SLC66A2: variants seen among roughly 807,000 people sequenced by gnomAD.
SLC66A2 encodes the protein solute carrier family 66 member 2.
A neutral mutation model predicts 25.5 loss-of-function variants in SLC66A2; 23 were observed. The observed-to-expected ratio is 0.90, with a 90% confidence interval of 0.65 to 1.28. The LOEUF is 1.28. SLC66A2 is among the 50% of genes most tolerant of loss of function. SLC66A2 has a pLI of 0.00. For synonymous variants in SLC66A2, 193 were observed against 166.5 expected, an observed-to-expected ratio of 1.16 and a Z score of -1.23; for missense variants, 396 against 373.1, an observed-to-expected ratio of 1.06 and a Z score of -0.51.
At chr18:79,948,625 GCCACCGTGC>G (rs150790477) in intron 2 of SLC66A2, among the ~76,000 whole-genome samples, 340 of 152,284 alleles carry the variant, frequency 2.2e-3, no homozygotes, top group African/African-American at 8.0e-3. Context: ...ACAGGAGCGG[GCCACCGTGC>G]CCAACCTAAT....
intron 4 of SLC66A2, 104 bp from the exon 5 acceptor site, chr18:79,919,504 GGA>G (rs1984740161): frequency 1.4e-6 from 1 of 731,582 alleles, no homozygotes; most frequent in Admixed American, 2.2e-5. Context: ...AGGTCAGTGG[GGA>G]GAGACAGGAA....
Position 79,919,361 on chromosome 18 carries a change from G to C in SLC66A2, c.431C>G (p.Ser144Trp). Reference protein sequence around the residue: ...PHHFWQWSSFSDYVQCVLAFT... With the variant: ...PHHFWQWSSFWDYVQCVLAFT... ...GGCCAGGACGCACTGCACGTAGTCCGAGAAGCTGCTCCACTGCCAGAAGTG... is the reference window on the plus strand; with the variant it reads ...GGCCAGGACGCACTGCACGTAGTCCCAGAAGCTGCTCCACTGCCAGAAGTG... Residue 144 changes from serine (S) to tryptophan (W), a missense_variant, in exon 5 of 6, where the codon TCG becomes TGG. Ser to Trp is a radical substitution (Grantham distance 177). Coordinates refer to ENST00000397778, the MANE Select transcript of SLC66A2 (RefSeq NM_025078.5). The C allele has an allele frequency of 3.1e-6, 5 of 1,613,238 alleles. No homozygotes were observed. The highest frequency in any genetic ancestry group is 4.2e-6 in the Non-Finnish European group (5 of 1,180,026).
intron 4 of SLC66A2, among the ~76,000 whole-genome samples, chr18:79,926,516 G>A (rs1405923451): frequency 6.6e-6 from 1 of 152,038 alleles, no homozygotes; most frequent in Non-Finnish European, 1.5e-5. Flanking sequence ...CCCACAGATC[G>A]CACACTCGAT....
At chr18:79,933,744 GCC>G (rs764701329) in intron 4 of SLC66A2, among the ~76,000 whole-genome samples, 2 of 150,060 alleles carry the variant, frequency 1.3e-5, no homozygotes, top group Non-Finnish European at 3.0e-5. Context: ...TCCCCTTCCC[GCC>G]CCCATCTCCC....
chr18:79,907,437 C>T (rs1246687448), intron 5 of SLC66A2, among the ~76,000 whole-genome samples: 1 of 149,570 alleles, frequency 6.7e-6, no homozygotes, highest in South Asian at 2.1e-4. Flanking sequence ...CTGCAAGCTC[C>T]GCCTCCCCAG....
intron 2 of SLC66A2, among the ~76,000 whole-genome samples, chr18:79,948,760 G>A (rs1026510649): frequency 6.6e-6 from 1 of 152,198 alleles, no homozygotes; most frequent in African/African-American, 2.4e-5. Flanking sequence ...TTATTTTGGA[G>A]AGAATTTATT....
At chr18:79,912,333 A>G (rs1391412878) in intron 5 of SLC66A2, among the ~76,000 whole-genome samples, 1 of 152,150 alleles carries the variant, frequency 6.6e-6, no homozygotes, top group African/African-American at 2.4e-5. Flanking sequence ...TAAACAACCA[A>G]ATGTCCCTCA....
In SLC66A2 at chr18:79,903,654, G is replaced by C. The variant is rs532524365; in HGVS notation, c.*322C>G. ...TGTCCACCTGGAGCAGGTTCCTGCAGGCCGCCCAATGTGTACCTTGGGCTC... is the reference window on the plus strand; with the variant it reads ...TGTCCACCTGGAGCAGGTTCCTGCACGCCGCCCAATGTGTACCTTGGGCTC... On this transcript the variant is annotated 3_prime_UTR_variant, in exon 6 of 6. Transcript: ENST00000397778. 85 of 366,048 alleles carry C rather than the reference G, an allele frequency of 2.3e-4. No homozygotes were observed. Among genetic ancestry groups the C allele is most frequent in the African/African-American group, 1.6e-3 (75 of 46,226 alleles). 22.7% of individuals were successfully genotyped at this position (366,048 alleles called of 1,614,324 possible).
At chr18:79,939,769 T>C (rs2144923481) in intron 3 of SLC66A2, among the ~76,000 whole-genome samples, 1 of 152,220 alleles carries the variant, frequency 6.6e-6, no homozygotes, top group East Asian at 1.9e-4. Context: ...ACTTACATAC[T>C]GTTGGTGGGA....
At chr18:79,919,111 G>A in intron 5 of SLC66A2, 73 bp downstream of exon 5, 2 of 1,350,922 alleles carry the variant, frequency 1.5e-6, no homozygotes, top group Non-Finnish European at 2.1e-6. Flanking sequence ...ACAGGCGTTT[G>A]ATTTTTACCA....
At chr18:79,945,269 G>C (rs1288560020) in intron 2 of SLC66A2, 1 of 152,288 alleles carries the variant, frequency 6.6e-6, no homozygotes, top group African/African-American at 2.4e-5. Context: ...CTGTCTCCTG[G>C]GAGCTTTTCA....
rs761901309 is a variant in SLC66A2 at position 79,917,689 on chromosome 18, C to T, written c.608+1495G>A. ...CGAAGCCCTCAGGGCTGCCACTGCC[C>T]AACCCAACAGTGAGGGAGCCTGTTC... On this transcript the variant is annotated intron_variant, in intron 5 of 5. Coordinates refer to ENST00000397778, the MANE Select transcript of SLC66A2 (RefSeq NM_025078.5). The surrounding 1 kb of genome is among the most constrained non-coding windows in gnomAD (Gnocchi z 6.0). 2.0e-5 allele frequency among the ~76,000 whole-genome samples: 3 copies of T among 152,034 alleles called. No individual in the cohort carries two copies. The highest frequency in any genetic ancestry group is 4.4e-5 in the Non-Finnish European group (3 of 67,980).
intron 5 of SLC66A2, among the ~76,000 whole-genome samples, chr18:79,912,877 TC>T (rs367869940): frequency 6.6e-6 from 1 of 152,118 alleles, no homozygotes; most frequent in Non-Finnish European, 1.5e-5. Flanking sequence ...CTCACTCCAC[TC>T]AGAACCACAG....
chr18:79,928,698 C>T (rs936781419), intron 4 of SLC66A2, among the ~76,000 whole-genome samples: 14 of 152,168 alleles, frequency 9.2e-5, no homozygotes, highest in Admixed American at 3.9e-4. Context: ...AGCAGGCAAC[C>T]GAGAAGACAG....
In SLC66A2 at chr18:79,950,802, C is replaced by T; in HGVS notation, c.125G>A (p.Arg42Lys). 6.2e-7 allele frequency: 1 copy of T among 1,613,170 alleles called. No individual in the cohort carries two copies. Among genetic ancestry groups the T allele is most frequent in the Non-Finnish European group, 8.5e-7 (1 of 1,179,988 alleles). ...GGAGAAGCCGTCGGCGTTCTGCGTC[C>T]TGCGAATGTCCCGATACTGCGGGAC... The part of the protein sequence containing the change: ...PYVPQYRDIR[R>K]TQNADGFSTY... Residue 42 changes from arginine (R) to lysine (K), a missense_variant, in exon 2 of 6, where the codon AGG becomes AAG. Arg to Lys is a conservative substitution (Grantham distance 26). Transcript: ENST00000397778.
chr18:79,942,564 G>A (rs1987769331), intron 3 of SLC66A2, among the ~76,000 whole-genome samples: 1 of 152,186 alleles, frequency 6.6e-6, no homozygotes, highest in African/African-American at 2.4e-5. Flanking sequence ...TCTTCTCCAA[G>A]TGATAGCTGA....
chr18:79,928,081 G>A (rs1322603600), intron 4 of SLC66A2, among the ~76,000 whole-genome samples: 1 of 152,230 alleles, frequency 6.6e-6, no homozygotes, highest in Non-Finnish European at 1.5e-5. Flanking sequence ...TGAGGGGCTG[G>A]GCTGTCACCG....
At chr18:79,945,520 G>A (rs1168886476) in intron 2 of SLC66A2, among the ~76,000 whole-genome samples, 2 of 152,190 alleles carry the variant, frequency 1.3e-5, no homozygotes, top group Admixed American at 6.5e-5. Context: ...TTGCCTCACT[G>A]GATGCTTCCC....
intron 2 of SLC66A2, among the ~76,000 whole-genome samples, chr18:79,949,320 A>T (rs1189478019): frequency 6.6e-6 from 1 of 152,192 alleles, no homozygotes; most frequent in Admixed American, 6.5e-5. Context: ...ATGGACACGA[A>T]AGGGGTGTAT....
Sources: gnomAD v4.1 joint callset for allele counts (sites outside exome capture counted in the v4.1 genomes callset) on GRCh38, gnomAD v4.1.1 for gene constraint, Gnocchi (gnomAD v3.1) non-coding constraint, MANE v1.5 for transcripts, NCBI Gene and HGNC (gene_info 2026-07-23, HGNC 2026-07-21) for gene names.